The following CLSTN2 variants were observed in gnomAD, a reference collection of about 807,000 sequenced individuals.
CLSTN2 encodes calsyntenin 2, also known as calsyntenin-2.
CLSTN2 carries 48 observed loss-of-function variants against 101.2 expected under a neutral mutation model. That is an observed-to-expected ratio of 0.47 (90% CI 0.38 to 0.60). The LOEUF is 0.60. Among genes scored for constraint, CLSTN2 ranks in the 20% least tolerant of loss-of-function variants. CLSTN2 has a pLI of 0.00. For synonymous variants in CLSTN2, 481 were observed against 463.6 expected (o/e 1.04, Z -0.48); for missense variants, 1,160 against 1,238.2 (o/e 0.94, Z 0.95).
chr3:140,371,532 T>C (rs2087857274), intron 2 of CLSTN2, among the ~76,000 whole-genome samples: 1 of 152,130 alleles, frequency 6.6e-6, no homozygotes, highest in African/African-American at 2.4e-5. Context: ...CCTGAGGCCC[T>C]GCCCTCCAGT....
chr3:140,057,723 T>C (rs2008122539), intron 1 of CLSTN2, among the ~76,000 whole-genome samples: 2 of 152,216 alleles, frequency 1.3e-5, no homozygotes, highest in Admixed American at 6.6e-5. Flanking sequence ...TCTTAAAATA[T>C]GCCACCTCCC....
intron 2 of CLSTN2, among the ~76,000 whole-genome samples, chr3:140,230,052 C>T (rs1203541154): frequency 6.6e-6 from 1 of 152,084 alleles, no homozygotes; most frequent in Non-Finnish European, 1.5e-5. Context: ...CTTGAGGTAT[C>T]TTTCTGATTC....
intron 9 of CLSTN2, among the ~76,000 whole-genome samples, chr3:140,541,514 G>A (rs868751353): frequency 1.6e-4 from 24 of 152,106 alleles, no homozygotes; most frequent in African/African-American, 5.8e-4. Flanking sequence ...TCTGATTCTC[G>A]GTCACTAATG....
At chr3:140,068,589 A>G (rs769036092) in intron 1 of CLSTN2, among the ~76,000 whole-genome samples, 4 of 152,206 alleles carry the variant, frequency 2.6e-5, no homozygotes, top group Non-Finnish European at 4.4e-5. Flanking sequence ...TGACAGTTTG[A>G]TTCCTGGGCA....
chr3:140,494,830 A>G (rs758124170), intron 8 of CLSTN2, among the ~76,000 whole-genome samples: 5 of 152,178 alleles, frequency 3.3e-5, no homozygotes, highest in Non-Finnish European at 7.3e-5. Context: ...TCCATGGTGT[A>G]TATGTACCAC....
chr3:140,096,643 C>T (rs2008873977), intron 1 of CLSTN2, among the ~76,000 whole-genome samples: 1 of 152,180 alleles, frequency 6.6e-6, no homozygotes, highest in African/African-American at 2.4e-5. Flanking sequence ...TCATGTGCTT[C>T]ACTGCAGATA....
chr3:140,392,120 G>A (rs1325738413), intron 2 of CLSTN2, among the ~76,000 whole-genome samples: 1 of 151,292 alleles, frequency 6.6e-6, no homozygotes, highest in African/African-American at 2.4e-5. Flanking sequence ...AGCTTTTAAT[G>A]ATATGTGCTG....
intron 2 of CLSTN2, among the ~76,000 whole-genome samples, chr3:140,386,868 G>T (rs2088058181): frequency 6.6e-6 from 1 of 152,172 alleles, no homozygotes; most frequent in African/African-American, 2.4e-5. Context: ...TACACAAGCA[G>T]GTTATATAAC....
chr3:140,452,637 C>G (rs919181725), intron 6 of CLSTN2: 1 of 152,284 alleles, frequency 6.6e-6, no homozygotes, highest in African/African-American at 2.4e-5. Flanking sequence ...TGGACAGTAG[C>G]TGGTGTCAAG....
At chr3:140,466,770 C>T (rs1361689506) in intron 8 of CLSTN2, 39 bp downstream of exon 8, 5 of 1,612,424 alleles carry the variant, frequency 3.1e-6, no homozygotes, top group Non-Finnish European at 4.2e-6. Context: ...ACTCATGCCT[C>T]TGCGGGGGTG....
intron 2 of CLSTN2, among the ~76,000 whole-genome samples, chr3:140,342,555 A>G (rs1366932859): frequency 6.6e-6 from 1 of 152,084 alleles, no homozygotes; most frequent in Admixed American, 6.5e-5. Context: ...GCCCCCTCTC[A>G]TGTTCCTATT....
At chr3:140,351,895 A>C (rs571288468) in intron 2 of CLSTN2, among the ~76,000 whole-genome samples, 1 of 152,322 alleles carries the variant, frequency 6.6e-6, no homozygotes, top group South Asian at 2.1e-4. Context: ...AAACAAGTAA[A>C]AATTCCAAGA....
At chr3:140,516,283 A>G (rs957017246) in intron 8 of CLSTN2, among the ~76,000 whole-genome samples, 1 of 152,142 alleles carries the variant, frequency 6.6e-6, no homozygotes, top group African/African-American at 2.4e-5. Context: ...ATTTTTATCC[A>G]TTCTGCCATT....
At chr3:140,528,636 C>CAAAAAA (rs3057900) in intron 8 of CLSTN2, among the ~76,000 whole-genome samples, 2 of 148,900 alleles carry the variant, frequency 1.3e-5, no homozygotes, top group Admixed American at 6.7e-5. Context: ...GTGCCTCTGA[C>CAAAAAA]AAAAAAAAGA....
intron 2 of CLSTN2, among the ~76,000 whole-genome samples, chr3:140,224,198 G>A (rs574691660): frequency 1.9e-4 from 29 of 152,242 alleles, no homozygotes; most frequent in Non-Finnish European, 3.5e-4. Flanking sequence ...TCAAGCCCCA[G>A]CCTGGCCCCC....
At chr3:140,379,345 G>T (rs2087954372) in intron 2 of CLSTN2, among the ~76,000 whole-genome samples, 1 of 152,208 alleles carries the variant, frequency 6.6e-6, no homozygotes, top group African/African-American at 2.4e-5. Flanking sequence ...GACTGATCCA[G>T]GGGAGGTCAC....
intron 1 of CLSTN2, among the ~76,000 whole-genome samples, chr3:140,000,698 C>A (rs1347848039): frequency 6.6e-6 from 1 of 152,130 alleles, no homozygotes; most frequent in African/African-American, 2.4e-5. Flanking sequence ...TAAAGGTGAT[C>A]CCTGGGTGCT....
intron 1 of CLSTN2, among the ~76,000 whole-genome samples, chr3:140,116,798 T>G (rs2009250783): frequency 6.6e-6 from 1 of 152,200 alleles, no homozygotes; most frequent in Admixed American, 6.5e-5. Context: ...GTTGGTATGC[T>G]TGTGCTGAGA....
chr3:140,263,865 C>G (rs751796634), intron 2 of CLSTN2, among the ~76,000 whole-genome samples: 14 of 152,110 alleles, frequency 9.2e-5, no homozygotes, highest in Admixed American at 8.5e-4. Context: ...ACAACTGGAG[C>G]TGAAGTCCTC....
Sources: gnomAD v4.1 joint callset for allele counts (sites outside exome capture counted in the v4.1 genomes callset) on GRCh38, gnomAD v4.1.1 for gene constraint, MANE v1.5 for transcripts, NCBI Gene and HGNC (gene_info 2026-07-23, HGNC 2026-07-21) for gene names.